MTHFD1L: variants seen among roughly 807,000 people sequenced by gnomAD.
The protein encoded by MTHFD1L is methylenetetrahydrofolate dehydrogenase (NADP+ dependent) 1 like.
Under a neutral mutation model 119.5 loss-of-function variants are expected in MTHFD1L, and 81 were observed. That is an observed-to-expected ratio of 0.68 (90% confidence interval 0.57 to 0.82). The LOEUF (loss-of-function observed/expected upper bound fraction) is 0.82. MTHFD1L is among the 40% of genes least tolerant of loss of function. MTHFD1L has a pLI of 0.00. For missense variants in MTHFD1L, 1,125 were observed against 1,253.4 expected (o/e 0.90, Z 1.55); for synonymous variants, 430 against 475.2 (o/e 0.90, Z 1.24).
chr6:151,087,533 G>T (rs1487067437), intron 26 of MTHFD1L, among the ~76,000 whole-genome samples: 2 of 152,110 alleles, frequency 1.3e-5, no homozygotes, highest in Non-Finnish European at 2.9e-5. Context: ...AAAGGTAGTA[G>T]ATTTCAGGCA....
intron 26 of MTHFD1L, among the ~76,000 whole-genome samples, chr6:151,051,085 C>T (rs1584324873): frequency 6.6e-6 from 1 of 152,134 alleles, no homozygotes; most frequent in East Asian, 1.9e-4. Context: ...TTGGTCTTTC[C>T]ATCCTGAGGC....
chr6:151,101,660 G>A lies in MTHFD1L; in HGVS notation c.*166G>A, dbSNP rs1795376658. The A allele has an allele frequency of 6.6e-6, 1 of 152,614 alleles. No individual in the cohort carries two copies. The highest frequency in any genetic ancestry group is 1.5e-5 in the Non-Finnish European group (1 of 68,034). 9.5% of individuals were successfully genotyped at this position (152,614 alleles called of 1,614,324 possible). On this transcript the variant is annotated 3_prime_UTR_variant, in exon 28 of 28. Transcript: ENST00000367321. Reference sequence around the variant, plus strand: ...TTCTTCTTCGTTCAAGATGAATTCTGTTCACAGTGGAGTATGGTGTTCGGC... The same window carrying A: ...TTCTTCTTCGTTCAAGATGAATTCTATTCACAGTGGAGTATGGTGTTCGGC...
At chr6:151,015,932 CA>C (rs1782983998) in intron 24 of MTHFD1L, among the ~76,000 whole-genome samples, 1 of 152,018 alleles carries the variant, frequency 6.6e-6, no homozygotes, top group South Asian at 2.1e-4. Flanking sequence ...ACTAAAAATA[CA>C]AAAATTAGGT....
chr6:150,887,368 G>C (rs1345327536), intron 6 of MTHFD1L, among the ~76,000 whole-genome samples: 1 of 152,184 alleles, frequency 6.6e-6, no homozygotes, highest in East Asian at 1.9e-4. Flanking sequence ...AACCAAAAGG[G>C]TTTGAATAGA....
In MTHFD1L at chr6:150,945,491, T is replaced by C. The variant is rs1375868280; in HGVS notation, c.1573T>C (p.Leu525=). 6.2e-7 allele frequency: 1 copy of C among 1,614,024 alleles called. No individual in the cohort carries two copies. Among genetic ancestry groups the C allele is most frequent in the Admixed American group, 1.7e-5 (1 of 60,008 alleles). ...DKALYNRLVP[L]VNGVREFSEI... ...GGCTCTGTATAATCGGCTGGTTCCT[T>C]TAGTGAATGGTGTCAGAGAATTTTC... The change falls in exon 15 of 28, where the codon TTA becomes CTA. Residue 525 remains leucine, a synonymous_variant. Transcript: ENST00000367321.
intron 26 of MTHFD1L, among the ~76,000 whole-genome samples, chr6:151,056,590 C>T (rs75021983): frequency 0.032 from 4,891 of 152,266 alleles, 154 homozygotes; most frequent in Admixed American, 0.099. Context: ...TTGCCTTCAG[C>T]GACGTGTTCT....
intron 26 of MTHFD1L, among the ~76,000 whole-genome samples, chr6:151,078,815 C>A (rs1387512308): frequency 6.6e-6 from 1 of 152,112 alleles, no homozygotes; most frequent in Non-Finnish European, 1.5e-5. Context: ...AAGTCACAGG[C>A]CTCACCTGCA....
chr6:151,022,247 A>G (rs1164088589), intron 24 of MTHFD1L: 1 of 322,374 alleles, frequency 3.1e-6, no homozygotes, highest in African/African-American at 2.2e-5. Context: ...TATTTTCTAC[A>G]TCTTGAAAAT....
intron 9 of MTHFD1L, among the ~76,000 whole-genome samples, chr6:150,920,409 T>G (rs569445068): frequency 3.3e-5 from 5 of 152,240 alleles, no homozygotes; most frequent in Non-Finnish European, 7.3e-5. Context: ...CAGTGACATT[T>G]AGTTCATTTC....
chr6:150,960,173 T>TC, intron 17 of MTHFD1L, 102 bp from the exon 18 acceptor site: 1 of 1,447,176 alleles, frequency 6.9e-7, no homozygotes. Flanking sequence ...GGGTAGACTC[T>TC]CTGGGCCTGT....
At chr6:150,901,106 A>G (rs1163731578) in intron 7 of MTHFD1L, among the ~76,000 whole-genome samples, 1 of 152,182 alleles carries the variant, frequency 6.6e-6, no homozygotes, top group Non-Finnish European at 1.5e-5. Flanking sequence ...CTAACTCTTT[A>G]TAGAAACTTT....
intron 26 of MTHFD1L, among the ~76,000 whole-genome samples, chr6:151,087,030 A>G (rs530380275): frequency 3.3e-5 from 5 of 152,216 alleles, no homozygotes; most frequent in African/African-American, 4.8e-5. Context: ...CAGACGAATC[A>G]TTTGAGTCAG....
intron 26 of MTHFD1L, among the ~76,000 whole-genome samples, chr6:151,054,587 G>A (rs564415662): frequency 2.8e-4 from 42 of 152,148 alleles, no homozygotes; most frequent in African/African-American, 9.4e-4. Flanking sequence ...ACAAAAACTC[G>A]GCCAGCAGCA....
rs1245721238 is a variant in MTHFD1L at position 150,918,824 on chromosome 6, A to C, written c.984+156A>C. 2.6e-5 allele frequency among the ~76,000 whole-genome samples: 4 copies of C among 152,338 alleles called. No homozygotes were observed. The East Asian group carries it at 7.7e-4, about 29-fold the overall frequency. On this transcript the variant is annotated intron_variant, in intron 9 of 27. Transcript: ENST00000367321. ...ATAAGTGAAGAAATGGTGATTTTGA[A>C]AAATGAAGTGAGTTGCCTATGATCA...
chr6:150,890,843 A>G (rs1299490769), intron 7 of MTHFD1L, among the ~76,000 whole-genome samples: 3 of 152,272 alleles, frequency 2.0e-5, no homozygotes, highest in Non-Finnish European at 4.4e-5. Context: ...ACAGTGATCT[A>G]AATGCCCATC....
intron 8 of MTHFD1L, among the ~76,000 whole-genome samples, chr6:150,914,280 G>A (rs1583525077): frequency 6.6e-6 from 1 of 152,044 alleles, no homozygotes; most frequent in African/African-American, 2.4e-5. Flanking sequence ...CTGGGTGATC[G>A]GGCCAGACCT....
chr6:151,066,020 A>G lies in MTHFD1L; in HGVS notation c.2848-26447A>G, dbSNP rs557336594. Among the ~76,000 whole-genome samples, 16 of 152,252 alleles carry G rather than the reference A, an allele frequency of 1.1e-4. No homozygotes were observed. In the East Asian group the frequency reaches 1.3e-3, roughly 13 times the overall value. On this transcript the variant is annotated intron_variant, in intron 26 of 27. Coordinates refer to ENST00000367321, the MANE Select transcript of MTHFD1L (RefSeq NM_015440.5). ...ACTAAATTTATAGTAGCTCCTCATT[A>G]TATATTTTCATGTTGATAGGATTCT...
intron 7 of MTHFD1L, among the ~76,000 whole-genome samples, chr6:150,897,364 TA>T (rs1784405902): frequency 6.6e-6 from 1 of 152,252 alleles, no homozygotes; most frequent in East Asian, 1.9e-4. Flanking sequence ...GATTATGTTC[TA>T]AATGTTTGAA....
intron 11 of MTHFD1L, 35 bp from the exon 12 acceptor site, chr6:150,936,769 A>G (rs1255838771): frequency 1.2e-6 from 2 of 1,600,116 alleles, no homozygotes; most frequent in African/African-American, 2.7e-5. Flanking sequence ...TGTCTGGGAA[A>G]TATTATAAAA....
Sources: allele counts gnomAD v4.1 joint callset (sites outside exome capture counted in the v4.1 genomes callset), GRCh38; gene constraint gnomAD v4.1.1; transcripts MANE v1.5; gene names NCBI Gene and HGNC (gene_info 2026-07-23, HGNC 2026-07-21).